The following MEI1 variants were observed in gnomAD, a reference collection of about 807,000 sequenced individuals.
MEI1 encodes the protein meiosis inhibitor protein 1.
MEI1 carries 103 observed loss-of-function variants against 146.2 expected under a neutral mutation model. The ratio of observed to expected loss-of-function variants is 0.70; its 90% CI spans 0.60 to 0.83. The LOEUF (loss-of-function observed/expected upper bound fraction) is 0.83, where lower values mean the gene tolerates loss of function less well. Among genes scored for constraint, MEI1 ranks in the 40% least tolerant of loss-of-function variants. MEI1 has a pLI of 0.00. For synonymous variants in MEI1, 652 were observed against 628.2 expected, an observed-to-expected ratio of 1.04 and a Z score of -0.57; for missense variants, 1,529 against 1,533.0, an observed-to-expected ratio of 1.00 and a Z score of 0.04.
At chr22:41,717,285 C>T (rs2070295446) in intron 5 of MEI1, among the ~76,000 whole-genome samples, 1 of 152,154 alleles carries the variant, frequency 6.6e-6, no homozygotes, top group Non-Finnish European at 1.5e-5. Flanking sequence ...GCTTCAGCCT[C>T]CTGAGTAGCT....
At chr22:41,776,453 G>A (rs1479322462) in intron 21 of MEI1, among the ~76,000 whole-genome samples, 186 bp downstream of exon 21, 1 of 152,258 alleles carries the variant, frequency 6.6e-6, no homozygotes, top group African/African-American at 2.4e-5. Flanking sequence ...CGTACAACAT[G>A]CTTGGTTTGC....
Position 41,745,030 on chromosome 22 carries a change from C to A in MEI1, c.1504C>A (p.Leu502Ile). The change falls in exon 13 of 31, where the codon CTC (leucine) becomes ATC (isoleucine). Residue 502 changes from leucine to isoleucine, a missense_variant. By Grantham distance (5) the Leu-to-Ile change is conservative. Transcript: ENST00000401548. ...CATTCTTCAAAGGGGAAAGTTCCTC[C>A]TCAGCACTCTGGAGGGATTTAGAAG... The part of the protein sequence containing the change: ...KAILQRGKFL[L>I]STLEGFRSAC... 2 of 1,565,086 alleles carry A rather than the reference C, an allele frequency of 1.3e-6. No homozygotes were observed.
intron 6 of MEI1, among the ~76,000 whole-genome samples, chr22:41,723,463 C>A (rs1337571828): frequency 2.6e-5 from 4 of 152,176 alleles, no homozygotes; most frequent in African/African-American, 9.7e-5. Context: ...GATACACCCA[C>A]CTTGGCCTCC....
intron 3 of MEI1, 111 bp from the exon 4 acceptor site, chr22:41,713,891 C>G: frequency 4.8e-6 from 4 of 830,698 alleles, no homozygotes; most frequent in Non-Finnish European, 1.9e-6. Flanking sequence ...AGTATAATAC[C>G]AATTAGCCCA....
chr22:41,740,996 C>T (rs1329842915), intron 11 of MEI1, among the ~76,000 whole-genome samples: 5 of 152,110 alleles, frequency 3.3e-5, no homozygotes, highest in Admixed American at 1.3e-4. Context: ...CTGCAACCTC[C>T]AACTCCCTGG....
At chr22:41,755,321 ACT>A (rs2074022450) in intron 17 of MEI1, among the ~76,000 whole-genome samples, 1 of 151,540 alleles carries the variant, frequency 6.6e-6, no homozygotes, top group African/African-American at 2.4e-5. Context: ...CCTCTCCCCC[ACT>A]CTCTACACCT....
chr22:41,795,621 T>C lies in MEI1; in HGVS notation c.3666+79T>C. On this transcript the variant is annotated intron_variant, in intron 29 of 30. Transcript: ENST00000401548. This position sits in a 1 kb window ranked among gnomAD's most constrained non-coding sequence, Gnocchi z 4.2. ...ATCTTCTCTTGGAGGGTGGGAGCTC[T>C]GGCCACAGCAACCAAGGAATGGGAG... 8 of 1,600,652 alleles carry C rather than the reference T, an allele frequency of 5.0e-6. No homozygotes were observed. Among genetic ancestry groups the C allele is most frequent in the Non-Finnish European group, 6.8e-6 (8 of 1,171,576 alleles).
At chr22:41,723,244 A>G (rs2071026292) in intron 6 of MEI1, among the ~76,000 whole-genome samples, 2 of 150,258 alleles carry the variant, frequency 1.3e-5, no homozygotes, top group Non-Finnish European at 3.0e-5. Context: ...ATGGAGTTTC[A>G]CTCTGTCACC....
intron 6 of MEI1, among the ~76,000 whole-genome samples, chr22:41,721,237 CTTTTTTTTTT>C (rs984702207): frequency 7.7e-4 from 54 of 70,486 alleles, no homozygotes; most frequent in Non-Finnish European, 1.0e-3. Context: ...CACGCCCGTT[CTTTTTTTTTT>C]TTTTTTTTTT....
intron 1 of MEI1, among the ~76,000 whole-genome samples, chr22:41,702,058 G>A (rs543554417): frequency 4.5e-4 from 68 of 152,294 alleles, no homozygotes; most frequent in African/African-American, 1.6e-3. Flanking sequence ...AATCTATTAC[G>A]TAGGATGAAT....
rs951359634 is a variant in MEI1 at position 41,795,900 on chromosome 22, G to C, written c.3779+53G>C. ...GAGATGCCAAATCACTGGGTGTTTG[G>C]GGCTTCTCTTCCTGGGCCAGTTTAT... On this transcript the variant is annotated intron_variant, in intron 30 of 30. Coordinates refer to ENST00000401548, the MANE Select transcript of MEI1 (RefSeq NM_152513.4). The surrounding 1 kb of genome is among the most constrained non-coding windows in gnomAD (Gnocchi z 4.2). 3.0e-5 allele frequency: 48 copies of C among 1,612,478 alleles called. No individual in the cohort carries two copies. In the African/African-American group the frequency reaches 5.1e-4, roughly 17 times the overall value.
In MEI1 at chr22:41,778,704, A is replaced by C. The variant is rs775556580; in HGVS notation, c.2711-4A>C. The stretch of plus-strand genomic sequence containing the variant: ...TCTTGCCCAGTCCTCCTTGTTCTTC[A>C]CAGCCTCGGGGAACCTACCATTGCT... On this transcript the variant is annotated splice_polypyrimidine_tract_variant and splice_region_variant and intron_variant, in intron 21 of 30. Coordinates refer to ENST00000401548, the MANE Select transcript of MEI1 (RefSeq NM_152513.4). 5.0e-6 allele frequency: 8 copies of C among 1,594,880 alleles called. No individual in the cohort carries two copies. Among genetic ancestry groups the C allele is most frequent in the Non-Finnish European group, 6.8e-6 (8 of 1,170,946 alleles).
chr22:41,763,376 T>C (rs2074632361), intron 19 of MEI1, 55 bp downstream of exon 19: 18 of 1,579,912 alleles, frequency 1.1e-5, no homozygotes, highest in Non-Finnish European at 1.5e-5. Context: ...TACATTAGTG[T>C]TCCCTGGGAG....
intron 3 of MEI1, among the ~76,000 whole-genome samples, chr22:41,707,202 C>G (rs186650573): frequency 2.0e-5 from 3 of 151,840 alleles, no homozygotes; most frequent in Non-Finnish European, 2.9e-5. Flanking sequence ...GACCCTGTCT[C>G]AATTAAAAAA....
chr22:41,713,184 C>T (rs1182137321), intron 3 of MEI1, among the ~76,000 whole-genome samples: 2 of 152,024 alleles, frequency 1.3e-5, no homozygotes, highest in Non-Finnish European at 2.9e-5. Context: ...GATAATAAAT[C>T]AAAGAAGGCC....
Position 41,718,268 on chromosome 22 carries a change from T to C in MEI1, c.727T>C (p.Cys243Arg). 2 of 1,613,852 alleles carry C rather than the reference T, an allele frequency of 1.2e-6. No individual in the cohort carries two copies. The highest frequency in any genetic ancestry group is 1.7e-6 in the Non-Finnish European group (2 of 1,179,836). ...GAQTKELQIN[C>R]LGLLRQLLKY... The stretch of plus-strand genomic sequence containing the variant: ...CCAGACAAAGGAGCTGCAGATTAAC[T>C]GCTTGGGTAAGACATGAGGCTGGAG... The change falls in exon 6 of 31, where the codon TGC becomes CGC. Residue 243 changes from cysteine (C) to arginine (R), a missense_variant. Physicochemically the swap from Cys to Arg is radical, Grantham distance 180 (BLOSUM62 -3). This residue lies in a region of MEI1 where 1,212 missense variants were observed against 1,178.9 expected (regional missense o/e 1.03). Transcript: ENST00000401548.
Position 41,795,702 on chromosome 22 carries a change from A to C in MEI1, c.3667-33A>C. The C allele has an allele frequency of 6.2e-7, 1 of 1,604,466 alleles. No homozygotes were observed. The highest frequency in any genetic ancestry group is 8.5e-7 in the Non-Finnish European group (1 of 1,173,844). ...GGCCTGTGTGGAATGGGCACTGAGG[A>C]GGCCTGTCTTCCCTGCCCTCTTCTC... On this transcript the variant is annotated intron_variant, in intron 29 of 30. Coordinates refer to ENST00000401548, the MANE Select transcript of MEI1 (RefSeq NM_152513.4). The surrounding 1 kb of genome is among the most constrained non-coding windows in gnomAD (Gnocchi z 4.2).
At position 41,770,731 on chromosome 22, in the gene MEI1, C is replaced by G. The variant is rs745988494; in HGVS notation, c.2314C>G (p.Leu772Val). Residue 772 changes from leucine to valine, a missense_variant, in exon 20 of 31, where the codon CTG becomes GTG. Coordinates refer to ENST00000401548, the MANE Select transcript of MEI1 (RefSeq NM_152513.4). Reference sequence around the variant, plus strand: ...AAAATTCCTAGAAGGCATCCCAGACCTGCAGCTAGTCTATACTCACCATCC... The same window carrying G: ...AAAATTCCTAGAAGGCATCCCAGACGTGCAGCTAGTCTATACTCACCATCC... ...IRKFLEGIPDLQLVYTHHPLL... is the reference protein window; with the variant it reads ...IRKFLEGIPDVQLVYTHHPLL... The G allele has an allele frequency of 6.2e-7, 1 of 1,613,800 alleles. No homozygotes were observed. The highest frequency in any genetic ancestry group is 8.5e-7 in the Non-Finnish European group (1 of 1,179,864).
chr22:41,776,280 G>A lies in MEI1; in HGVS notation c.2710+13G>A. 1 of 1,612,626 alleles carries A rather than the reference G, an allele frequency of 6.2e-7. No homozygotes were observed. Among genetic ancestry groups the A allele is most frequent in the Non-Finnish European group, 8.5e-7 (1 of 1,179,640 alleles). On this transcript the variant is annotated intron_variant, in intron 21 of 30. Transcript: ENST00000401548. ...TCCCCATCAGGAGGTCAGTCTGCAG[G>A]TGCTGTGGGCACACTTTGACCTGAA...
Sources: gnomAD v4.1 joint callset for allele counts (sites outside exome capture counted in the v4.1 genomes callset) on GRCh38, gnomAD v4.1.1 for gene constraint, gnomAD v4.1.1 regional missense constraint, Gnocchi (gnomAD v3.1) non-coding constraint, MANE v1.5 for transcripts, NCBI Gene and HGNC (gene_info 2026-07-23, HGNC 2026-07-21) for gene names.